NRG3: variants seen among roughly 807,000 people sequenced by gnomAD.
NRG3 encodes the protein neuregulin 3.
NRG3 carries 31 observed loss-of-function variants against 66.9 expected under a neutral mutation model. The observed-to-expected ratio is 0.46, with a 90% confidence interval of 0.35 to 0.63. NRG3 has a LOEUF of 0.63. NRG3 is among the 20% of genes least tolerant of loss of function. The pLI is 0.00. For missense variants in NRG3, 910 were observed against 878.9 expected, an observed-to-expected ratio of 1.04 and a Z score of -0.45; for synonymous variants, 393 against 359.4, an observed-to-expected ratio of 1.09 and a Z score of -1.06.
At chr10:82,134,280 C>A (rs2069157490) in intron 1 of NRG3, among the ~76,000 whole-genome samples, 1 of 152,152 alleles carries the variant, frequency 6.6e-6, no homozygotes, top group Non-Finnish European at 1.5e-5. Context: ...TCCCACTTGT[C>A]AATTTTTGCT....
chr10:82,603,792 G>A (rs2133422557), intron 2 of NRG3, among the ~76,000 whole-genome samples: 1 of 152,220 alleles, frequency 6.6e-6, no homozygotes, highest in African/African-American at 2.4e-5. Flanking sequence ...GGATAAAATA[G>A]ATAAAAATAA....
chr10:82,741,033 T>A (rs1247739543), intron 3 of NRG3, among the ~76,000 whole-genome samples: 1 of 152,136 alleles, frequency 6.6e-6, no homozygotes, highest in African/African-American at 2.4e-5. Flanking sequence ...AAGTGGTATA[T>A]CATTATGTGA....
chr10:82,369,837 G>A (rs2084770376), intron 2 of NRG3, among the ~76,000 whole-genome samples: 1 of 138,538 alleles, frequency 7.2e-6, no homozygotes, highest in Non-Finnish European at 1.5e-5. Flanking sequence ...GAAATCAGCT[G>A]TGAGTTTCCT....
At chr10:82,892,546 G>A (rs1843250398) in intron 4 of NRG3, among the ~76,000 whole-genome samples, 1 of 151,886 alleles carries the variant, frequency 6.6e-6, no homozygotes, top group South Asian at 2.1e-4. Flanking sequence ...CAGGCCTGTG[G>A]TACTAGATAC....
chr10:82,569,026 G>C (rs1185666385), intron 2 of NRG3, among the ~76,000 whole-genome samples: 3 of 151,588 alleles, frequency 2.0e-5, no homozygotes, highest in Non-Finnish European at 4.4e-5. Context: ...TTCCATTCCT[G>C]ATATCAACTT....
chr10:82,178,528 C>G (rs1267923665), intron 1 of NRG3, among the ~76,000 whole-genome samples: 3 of 152,104 alleles, frequency 2.0e-5, no homozygotes, highest in Non-Finnish European at 4.4e-5. Context: ...TCCTGAAGAT[C>G]CATCCATGTT....
At chr10:82,939,428 CTTTGTTGTTGTTGTTG>C (rs1249358394) in intron 4 of NRG3, among the ~76,000 whole-genome samples, 7 of 148,498 alleles carry the variant, frequency 4.7e-5, no homozygotes, top group Admixed American at 1.4e-4. Flanking sequence ...TCAGTTTTTC[CTTTGTTGTTGTTGTTG>C]TTTGTTGTTG....
chr10:82,874,271 C>A (rs1313707812), intron 4 of NRG3, among the ~76,000 whole-genome samples: 2 of 152,014 alleles, frequency 1.3e-5, no homozygotes, highest in African/African-American at 4.8e-5. Context: ...CTTCTTAGAG[C>A]TACCCTGCAT....
At chr10:82,120,185 C>T (rs369039427) in intron 1 of NRG3, among the ~76,000 whole-genome samples, 8 of 152,112 alleles carry the variant, frequency 5.3e-5, no homozygotes, top group East Asian at 1.9e-4. Context: ...ACAGAAAGTC[C>T]GAGCCGTTTC....
chr10:82,132,479 G>GATATATATATC lies in NRG3; in HGVS notation c.824-226250_824-226249insCATATATATAT, dbSNP rs1491227241. ...TATATGATATATATGATATATATAT[G>GATATATATATC]ATATATATATATGATATATATATAT... On this transcript the variant is annotated intron_variant, in intron 1 of 8. Transcript: ENST00000372141. Among the ~76,000 whole-genome samples the GATATATATATC allele has an allele frequency of 6.3e-3, 394 of 62,376 alleles. 87 individuals carry two copies. The highest frequency in any genetic ancestry group is 0.01 in the Non-Finnish European group (323 of 31,564). 40.9% of individuals were successfully genotyped at this position (62,376 alleles called of 152,430 possible).
At chr10:82,906,405 T>A (rs1438180421) in intron 4 of NRG3, among the ~76,000 whole-genome samples, 2 of 152,220 alleles carry the variant, frequency 1.3e-5, no homozygotes, top group Non-Finnish European at 2.9e-5. Context: ...AACTTTGGGC[T>A]TTTATTAAAA....
chr10:82,771,884 G>A (rs184187585), intron 3 of NRG3, among the ~76,000 whole-genome samples: 2 of 151,898 alleles, frequency 1.3e-5, no homozygotes, highest in East Asian at 3.9e-4. Context: ...ATCAATTTTG[G>A]ATTTACCTTT....
intron 2 of NRG3, among the ~76,000 whole-genome samples, chr10:82,620,025 A>T (rs941861885): frequency 2.0e-5 from 3 of 152,148 alleles, no homozygotes; most frequent in Non-Finnish European, 1.5e-5. Flanking sequence ...TTGGCCTGTC[A>T]TGCTCAACCT....
At chr10:82,386,889 T>C (rs559125285) in intron 2 of NRG3, among the ~76,000 whole-genome samples, 1 of 152,238 alleles carries the variant, frequency 6.6e-6, no homozygotes, top group Non-Finnish European at 1.5e-5. Flanking sequence ...AACCTCCTCC[T>C]CCCGGGTTCA....
chr10:82,013,823 C>A (rs2061677667), intron 1 of NRG3, among the ~76,000 whole-genome samples: 1 of 151,826 alleles, frequency 6.6e-6, no homozygotes, highest in African/African-American at 2.4e-5. Context: ...TATTCAATTC[C>A]CTATTCCTCT....
At chr10:82,898,017 C>A (rs960715115) in intron 4 of NRG3, among the ~76,000 whole-genome samples, 1 of 152,164 alleles carries the variant, frequency 6.6e-6, no homozygotes, top group Non-Finnish European at 1.5e-5. Flanking sequence ...GGGACCCTTC[C>A]AACTTCAGGT....
chr10:82,759,241 A>T (rs2059206618), intron 3 of NRG3, among the ~76,000 whole-genome samples: 1 of 151,894 alleles, frequency 6.6e-6, no homozygotes, highest in Non-Finnish European at 1.5e-5. Flanking sequence ...GCCTACTCCC[A>T]TTCTACTTTC....
chr10:81,910,075 G>T (rs1053769902), intron 1 of NRG3, among the ~76,000 whole-genome samples: 4 of 152,172 alleles, frequency 2.6e-5, no homozygotes, highest in Non-Finnish European at 5.9e-5. Flanking sequence ...AGATATAGTG[G>T]AGTAAATGAA....
chr10:82,967,497 C>T (rs1315196811), intron 6 of NRG3, among the ~76,000 whole-genome samples: 2 of 152,142 alleles, frequency 1.3e-5, no homozygotes, highest in Non-Finnish European at 2.9e-5. Context: ...AATGGTTATA[C>T]CATACCTTTG....
Sources: allele counts gnomAD v4.1 joint callset (sites outside exome capture counted in the v4.1 genomes callset), GRCh38; gene constraint gnomAD v4.1.1; transcripts MANE v1.5; gene names NCBI Gene and HGNC (gene_info 2026-07-23, HGNC 2026-07-21).